Variants in ZC3H12B observed in about 807,000 individuals in gnomAD.
The protein encoded by ZC3H12B is zinc finger CCCH-type containing 12B, also known as probable ribonuclease ZC3H12B.
Under a neutral mutation model 43.9 loss-of-function variants are expected in ZC3H12B, and 7 were observed. That is an observed-to-expected ratio of 0.16 (90% CI 0.09 to 0.30). The LOEUF (loss-of-function observed/expected upper bound fraction) is 0.30. Ranked by LOEUF, ZC3H12B falls within the 10% of genes least tolerant of loss-of-function variation. The pLI, the probability that ZC3H12B is intolerant of heterozygous loss-of-function variation, is 1.00. For missense variants in ZC3H12B, 475 were observed against 670.2 expected (o/e 0.71, Z 3.22); for synonymous variants, 222 against 241.7 (o/e 0.92, Z 0.76).
At chrX:65,253,162 G>C in the ZC3H12B span, among the ~76,000 whole-genome samples, 1 of 111,870 alleles carries the variant, frequency 8.9e-6, no homozygotes, top group African/African-American at 3.2e-5. Flanking sequence ...GGGAAGGCTC[G>C]TGAACTCAAA....
At chrX:65,462,077 CA>C (rs2067757738) in intron 3 of ZC3H12B, among the ~76,000 whole-genome samples, 1 of 110,381 alleles carries the variant, frequency 9.1e-6, no homozygotes, top group African/African-American at 3.3e-5. Flanking sequence ...AAAAAAAGAT[CA>C]AAAGAACTTG....
the ZC3H12B span, among the ~76,000 whole-genome samples, chrX:65,278,258 A>G: frequency 2.7e-5 from 3 of 111,833 alleles, no homozygotes; most frequent in East Asian, 2.8e-4. Flanking sequence ...TATGCTAATT[A>G]TAATGCATTA....
At chrX:65,418,142 A>G (rs1488655443) in intron 3 of ZC3H12B, among the ~76,000 whole-genome samples, 1 of 111,931 alleles carries the variant, frequency 8.9e-6, no homozygotes, top group Non-Finnish European at 1.9e-5. Flanking sequence ...AGCAAGTGTC[A>G]AAAGATTAAA....
At chrX:65,152,869 T>A in the ZC3H12B span, among the ~76,000 whole-genome samples, 1 of 111,948 alleles carries the variant, frequency 8.9e-6, no homozygotes, top group Non-Finnish European at 1.9e-5. Context: ...AGCATGGTAC[T>A]GGTACCAAAA....
At chrX:65,067,194 A>G in the ZC3H12B span, among the ~76,000 whole-genome samples, 1 of 109,393 alleles carries the variant, frequency 9.1e-6, no homozygotes, top group Admixed American at 9.7e-5. Context: ...TTAAAAAAAA[A>G]AAAACTCGTG....
intron 3 of ZC3H12B, among the ~76,000 whole-genome samples, chrX:65,454,387 A>G (rs1309694185): frequency 8.9e-6 from 1 of 112,305 alleles, no homozygotes; most frequent in Non-Finnish European, 1.9e-5. Flanking sequence ...CATTGCTAGC[A>G]CAGCAGTCTG....
intron 1 of ZC3H12B, among the ~76,000 whole-genome samples, chrX:65,496,086 C>T (rs1328978935): frequency 4.5e-5 from 5 of 111,769 alleles, no homozygotes; most frequent in African/African-American, 1.6e-4. Flanking sequence ...CACAGAACAA[C>T]AATATTTATT....
chrX:65,211,845 ATATATGTTATG>A, the ZC3H12B span, among the ~76,000 whole-genome samples: 3 of 79,184 alleles, frequency 3.8e-5, no homozygotes, highest in African/African-American at 1.5e-4. Flanking sequence ...ATAATATATA[ATATATGTTATG>A]TATACTATAT....
At chrX:65,475,926 G>A (rs1241410776) in intron 3 of ZC3H12B, among the ~76,000 whole-genome samples, 1 of 112,103 alleles carries the variant, frequency 8.9e-6, no homozygotes, top group African/African-American at 3.2e-5. Context: ...TGAGATTTGG[G>A]TGGGGACATA....
chrX:65,104,788 G>A, the ZC3H12B span, among the ~76,000 whole-genome samples: 1 of 111,581 alleles, frequency 9.0e-6, no homozygotes, highest in Non-Finnish European at 1.9e-5. Flanking sequence ...AAATAGGAAT[G>A]GTTGTACACT....
the ZC3H12B span, among the ~76,000 whole-genome samples, chrX:65,262,012 A>G: frequency 9.0e-6 from 1 of 110,561 alleles, no homozygotes; most frequent in Non-Finnish European, 1.9e-5. Flanking sequence ...AGTAAATTTT[A>G]TAGTATTCAT....
chrX:65,314,928 C>G, the ZC3H12B span, among the ~76,000 whole-genome samples: 2 of 110,672 alleles, frequency 1.8e-5, no homozygotes, highest in Non-Finnish European at 3.8e-5. Context: ...AATATTAACT[C>G]TAAATTAACT....
chrX:65,361,652 G>T (rs1010692624), upstream of ZC3H12B, among the ~76,000 whole-genome samples: 1 of 109,756 alleles, frequency 9.1e-6, no homozygotes, highest in African/African-American at 3.3e-5. Flanking sequence ...GTCCCATTTG[G>T]CAACAACCCT....
chrX:65,477,637 C>A (rs2068011747), intron 3 of ZC3H12B, among the ~76,000 whole-genome samples: 1 of 110,517 alleles, frequency 9.0e-6, no homozygotes, highest in African/African-American at 3.3e-5. Flanking sequence ...TGGCAGGTGC[C>A]TGTAATCCCA....
intron 3 of ZC3H12B, among the ~76,000 whole-genome samples, chrX:65,477,858 T>C (rs1191845836): frequency 9.3e-6 from 1 of 107,979 alleles, no homozygotes; most frequent in Non-Finnish European, 1.9e-5. Context: ...TGTGTGTGTG[T>C]ACACTTGGTG....
At chrX:65,418,480 A>C (rs751714582) in intron 3 of ZC3H12B, among the ~76,000 whole-genome samples, 42 of 111,662 alleles carry the variant, frequency 3.8e-4, no homozygotes, top group Non-Finnish European at 7.1e-4. Context: ...GGTAAAACCT[A>C]AATGCAATAG....
At chrX:65,441,466 G>A (rs1205720526) in intron 3 of ZC3H12B, among the ~76,000 whole-genome samples, 1 of 111,718 alleles carries the variant, frequency 9.0e-6, no homozygotes, top group Non-Finnish European at 1.9e-5. Context: ...CCAATAAGCT[G>A]CTTTGCCTTG....
At chrX:65,235,736 G>C in the ZC3H12B span, among the ~76,000 whole-genome samples, 11 of 112,114 alleles carry the variant, frequency 9.8e-5, no homozygotes, top group Admixed American at 1.0e-3. Context: ...GGTGCTTCAA[G>C]GGGTGTTACA....
At chrX:65,490,378 G>GAAA (rs2068187463) in intron 1 of ZC3H12B, among the ~76,000 whole-genome samples, 1 of 73,124 alleles carries the variant, frequency 1.4e-5, no homozygotes, top group African/African-American at 1.1e-4. Context: ...GACTGTTTCA[G>GAAA]GAAAAAAAAA....
Sources: allele counts gnomAD v4.1 joint callset (sites outside exome capture counted in the v4.1 genomes callset), GRCh38; gene constraint gnomAD v4.1.1; transcripts MANE v1.5; gene names NCBI Gene and HGNC (gene_info 2026-07-23, HGNC 2026-07-21).